MOSPD3: variants seen among roughly 807,000 people sequenced by gnomAD.
The protein encoded by MOSPD3 is motile sperm domain-containing protein 3.
Under a neutral mutation model 23.3 loss-of-function variants are expected in MOSPD3, and 20 were observed. The observed-to-expected ratio is 0.86, with a 90% CI of 0.61 to 1.25. MOSPD3 has a LOEUF of 1.25. Among genes scored for constraint, MOSPD3 ranks in the 50% most tolerant of loss-of-function variants. MOSPD3 has a pLI of 0.00. For synonymous variants in MOSPD3, 136 were observed against 135.2 expected (o/e 1.01, Z -0.04); for missense variants, 307 against 315.7 (o/e 0.97, Z 0.21).
Position 100,614,997 on chromosome 7 carries a change from C to T in MOSPD3, c.642C>T (p.Ser214=), listed in dbSNP as rs757602668. 1.9e-6 allele frequency: 3 copies of T among 1,614,174 alleles called. No individual in the cohort carries two copies. The highest frequency in any genetic ancestry group is 4.5e-5 in the East Asian group (2 of 44,882). Residue 214 remains serine, a synonymous_variant, in exon 4 of 5, where the codon TCC becomes TCT. Transcript: ENST00000393950. ...GSQLPQVLHV[S]LGQKLVAAYV... ...AGCTGCCTCAAGTCCTGCACGTCTC[C>T]CTGGGACAAAAGTTGGTGGCCGCCT...
At chr7:100,613,388 T>A in intron 2 of MOSPD3, 89 bp from the exon 3 acceptor site, 1 of 1,549,460 alleles carries the variant, frequency 6.5e-7, no homozygotes, top group Non-Finnish European at 8.9e-7. Flanking sequence ...CCTGTGCCCC[T>A]AAGGGAGAGA....
chr7:100,614,774 AG>A lies in MOSPD3; in HGVS notation c.512-92del, dbSNP rs575946772. 100 of 1,330,620 alleles carry A rather than the reference AG, an allele frequency of 7.5e-5. No homozygotes were observed. In the African/African-American group the frequency reaches 1.4e-3, roughly 18 times the overall value. 82.4% of individuals were successfully genotyped at this position (1,330,620 alleles called of 1,614,324 possible). ...AAATAAAAGATAATTAAAAAAAAAA[AG>A]TAGATACATCTTCCTTGTTCAGGCT... On this transcript the variant is annotated intron_variant, in intron 3 of 4. Coordinates refer to ENST00000393950, the MANE Select transcript of MOSPD3 (RefSeq NM_023948.5).
intron 1 of MOSPD3, 26 bp downstream of exon 1, chr7:100,613,022 GC>G (rs1259536800): frequency 1.9e-6 from 3 of 1,613,152 alleles, no homozygotes; most frequent in Non-Finnish European, 8.5e-7. Context: ...CCTCGTGGGG[GC>G]TGGTGGCCGG....
chr7:100,614,763 T>TA (rs202084428), intron 3 of MOSPD3, 104 bp from the exon 4 acceptor site: 230,421 of 1,005,882 alleles, frequency 0.23, 6,805 homozygotes, highest in South Asian at 0.24. Flanking sequence ...AAAAGATAAT[T>TA]AAAAAAAAAA....
rs144565703 is a variant in MOSPD3 at position 100,613,653 on chromosome 7, G to A, written c.458G>A (p.Arg153His). The stretch of plus-strand genomic sequence containing the variant: ...CAGGGACAGCCAGATCCAGCGCCTC[G>A]CCCAGGGCCTCCTGCTGGGACACCA... ...ELQGQPDPAP[R>H]PGPPAGTPPP... is the part of the protein sequence containing the mutation. Residue 153 changes from arginine (R) to histidine (H), a missense_variant, in exon 3 of 5, where the codon CGC (arginine) becomes CAC (histidine). Coordinates refer to ENST00000393950, the MANE Select transcript of MOSPD3 (RefSeq NM_023948.5). 1.4e-4 allele frequency: 226 copies of A among 1,613,780 alleles called. No individual in the cohort carries two copies. Among genetic ancestry groups the A allele is most frequent in the Non-Finnish European group, 1.8e-4 (209 of 1,180,036 alleles).
In MOSPD3 at chr7:100,614,833, G is replaced by A. The variant is rs748965774; in HGVS notation, c.512-34G>A. The A allele has an allele frequency of 1.4e-5, 22 of 1,590,858 alleles. No individual in the cohort carries two copies. The Admixed American group carries it at 2.7e-4, about 20-fold the overall frequency. Reference sequence around the variant, plus strand: ...GGAGGACCTGGGCTGGGCAGGAGTGGGGGCTGCAGCATCTGATGAGTCTTG... The same window carrying A: ...GGAGGACCTGGGCTGGGCAGGAGTGAGGGCTGCAGCATCTGATGAGTCTTG... On this transcript the variant is annotated intron_variant, in intron 3 of 4. Coordinates refer to ENST00000393950, the MANE Select transcript of MOSPD3 (RefSeq NM_023948.5).
Position 100,613,638 on chromosome 7 carries a change from C to A in MOSPD3, c.443C>A (p.Pro148Gln), listed in dbSNP as rs1802903736. 1 of 1,614,112 alleles carries A rather than the reference C, an allele frequency of 6.2e-7. No individual in the cohort carries two copies. Among genetic ancestry groups the A allele is most frequent in the African/African-American group, 1.3e-5 (1 of 75,028 alleles). ...TACCCCCTTGAGCTTCAGGGACAGC[C>A]AGATCCAGCGCCTCGCCCAGGGCCT... ...PAYPLELQGQ[P>Q]DPAPRPGPPA... is the part of the protein sequence containing the mutation. Residue 148 changes from proline (P) to glutamine (Q), a missense_variant, in exon 3 of 5, where the codon CCA (proline) becomes CAA (glutamine). Transcript: ENST00000393950.
rs1802865816 is a variant in MOSPD3 at position 100,612,791 on chromosome 7, C to A, written c.-1C>A. 1 of 1,581,062 alleles carries A rather than the reference C, an allele frequency of 6.3e-7. No homozygotes were observed. ...CGGATGTCCGACCGCCCAGAGCCTG[C>A]ATGCGCCGTGGGGCGCCCCAGGACC... On this transcript the variant is annotated 5_prime_UTR_variant, in exon 1 of 5. Transcript: ENST00000393950.
upstream of MOSPD3, chr7:100,612,502 G>T (rs1301397345): frequency 6.2e-6 from 2 of 324,682 alleles, no homozygotes; most frequent in Non-Finnish European, 1.1e-5. Context: ...AGAAGGCCGG[G>T]TTGGGAGCTG....
intron 3 of MOSPD3, 38 bp from the exon 4 acceptor site, chr7:100,614,829 A>G: frequency 1.9e-6 from 3 of 1,588,480 alleles, no homozygotes; most frequent in Non-Finnish European, 2.6e-6. Flanking sequence ...GCTGGGCAGG[A>G]GTGGGGGCTG....
At position 100,612,597 on chromosome 7, in the gene MOSPD3, G is replaced by A; in HGVS notation, c.-195G>A. 2.0e-6 allele frequency: 1 copy of A among 499,700 alleles called. No individual in the cohort carries two copies. Among genetic ancestry groups the A allele is most frequent in the South Asian group, 3.1e-5 (1 of 31,964 alleles). The allele number at this position is 499,700 out of a possible 1,614,324, so 31.0% of individuals were successfully genotyped here. A position where few individuals can be genotyped will look rare whatever the true frequency, so the allele number is the denominator to read the frequency against. On this transcript the variant is annotated 5_prime_UTR_variant, in exon 1 of 5. Transcript: ENST00000393950. The stretch of plus-strand genomic sequence containing the variant: ...AGGAACCTGGGGCAGAGCTGGAAGA[G>A]GAAAGGTCTTGGGGGCCCTGGGCCT...
rs1802883053 is a variant in MOSPD3 at position 100,613,187 on chromosome 7, C to T, written c.206-7C>T. The T allele has an allele frequency of 6.2e-7, 1 of 1,613,584 alleles. No homozygotes were observed. Among genetic ancestry groups the T allele is most frequent in the South Asian group, 1.1e-5 (1 of 91,080 alleles). On this transcript the variant is annotated splice_polypyrimidine_tract_variant and splice_region_variant and intron_variant, in intron 1 of 4. Coordinates refer to ENST00000393950, the MANE Select transcript of MOSPD3 (RefSeq NM_023948.5). ...AGGGCTTGTCTGTGTGTGTCTCTAT[C>T]CCCCAGTCCTGTGCACAGCACCTGC...
chr7:100,613,278 G>GGGTGT lies in MOSPD3; in HGVS notation c.281+9_281+10insGGTGT. ...CAGTCTTGCATTGACATGTGAGTGA[G>GGGTGT]CTGGGAGGGTGGGGAGGCTTGTGGA... On this transcript the variant is annotated intron_variant, in intron 2 of 4. Coordinates refer to ENST00000393950, the MANE Select transcript of MOSPD3 (RefSeq NM_023948.5). 6.2e-7 allele frequency: 1 copy of GGGTGT among 1,613,414 alleles called. No homozygotes were observed. The highest frequency in any genetic ancestry group is 8.5e-7 in the Non-Finnish European group (1 of 1,179,336).
At chr7:100,614,752 TA>T in intron 3 of MOSPD3, 114 bp from the exon 4 acceptor site, 1 of 1,201,444 alleles carries the variant, frequency 8.3e-7, no homozygotes, top group Non-Finnish European at 1.1e-6. Flanking sequence ...CTACAAAAAA[TA>T]AAAGATAATT....
chr7:100,615,121 C>T (rs954308155), intron 4 of MOSPD3, 31 bp from the exon 5 acceptor site: 40 of 1,613,962 alleles, frequency 2.5e-5, no homozygotes, highest in Non-Finnish European at 3.2e-5. Context: ...GCTGCCCATG[C>T]GACCCTATTC....
rs1352750983 is a variant in MOSPD3 at position 100,615,353 on chromosome 7, A to G, written c.*170A>G. ...GATTTGTACTCATTTTCCAAGTTGA[A>G]TAAAATACATTTTTAAAATGATAAT... On this transcript the variant is annotated 3_prime_UTR_variant, in exon 5 of 5. Coordinates refer to ENST00000393950, the MANE Select transcript of MOSPD3 (RefSeq NM_023948.5). 3.3e-6 allele frequency: 2 copies of G among 597,262 alleles called. No individual in the cohort carries two copies. The highest frequency in any genetic ancestry group is 6.8e-5 in the Admixed American group (2 of 29,410). 37.0% of individuals were successfully genotyped at this position (597,262 alleles called of 1,614,324 possible).
intron 2 of MOSPD3, 73 bp downstream of exon 2, chr7:100,613,342 A>T: frequency 6.4e-7 from 1 of 1,559,634 alleles, no homozygotes; most frequent in Non-Finnish European, 8.8e-7. Flanking sequence ...GAGGTCTGAG[A>T]CCTTGCCCCC....
intron 3 of MOSPD3, 188 bp downstream of exon 3, chr7:100,613,894 A>G (rs2131297894): frequency 4.8e-6 from 3 of 627,468 alleles, no homozygotes; most frequent in Non-Finnish European, 5.5e-6. Flanking sequence ...CTGGTTTCTG[A>G]CTTCTACTTA....
In MOSPD3 at chr7:100,612,928, A is replaced by G. The variant is rs776226334; in HGVS notation, c.137A>G (p.Asp46Gly). 1.9e-6 allele frequency: 3 copies of G among 1,613,484 alleles called. No individual in the cohort carries two copies. Among genetic ancestry groups the G allele is most frequent in the South Asian group, 2.2e-5 (2 of 91,050 alleles). ...CCCCCGGATCTAGTATTCAGGGCGGACCAGCGGAGCGGACCCCGACAGCTG... is the reference window on the plus strand; with the variant it reads ...CCCCCGGATCTAGTATTCAGGGCGGGCCAGCGGAGCGGACCCCGACAGCTG... ...VFPPDLVFRA[D>G]QRSGPRQLLT... Residue 46 changes from aspartate to glycine, a missense_variant, in exon 1 of 5, where the codon GAC becomes GGC. Asp to Gly is a moderately conservative substitution (Grantham distance 94, BLOSUM62 -1). Coordinates refer to ENST00000393950, the MANE Select transcript of MOSPD3 (RefSeq NM_023948.5).
Sources: allele counts gnomAD v4.1 joint callset, GRCh38; gene constraint gnomAD v4.1.1; transcripts MANE v1.5; gene names NCBI Gene and HGNC (gene_info 2026-07-23, HGNC 2026-07-21).